The following CCT6A variants were observed in gnomAD, a reference collection of about 807,000 sequenced individuals.
CCT6A encodes the protein T-complex protein 1 subunit zeta.
In CCT6A, 6 loss-of-function variants were observed where a neutral mutation model predicts 58.6. The observed-to-expected ratio is 0.10, with a 90% CI of 0.06 to 0.20. The LOEUF is 0.20. Ranked by LOEUF, CCT6A falls within the 10% of genes least tolerant of loss-of-function variation. The probability of loss-of-function intolerance (pLI) is 1.00; values close to 1 mark genes in which losing one functional copy is unlikely to be tolerated. For missense variants in CCT6A, 516 were observed against 648.8 expected, an observed-to-expected ratio of 0.80 and a Z score of 2.22; for synonymous variants, 245 against 227.8, an observed-to-expected ratio of 1.08 and a Z score of -0.68.
chr7:56,052,930 A>AT (rs1293626577), intron 2 of CCT6A, among the ~76,000 whole-genome samples: 1 of 151,930 alleles, frequency 6.6e-6, no homozygotes, highest in Non-Finnish European at 1.5e-5. Context: ...AGTAGCTAGG[A>AT]TTACAGGCTC....
At chr7:56,054,776 A>G (rs1794269127) in intron 3 of CCT6A, among the ~76,000 whole-genome samples, 1 of 152,150 alleles carries the variant, frequency 6.6e-6, no homozygotes, top group African/African-American at 2.4e-5. Flanking sequence ...TAAAAATGGA[A>G]TGTTTAGGAC....
intron 11 of CCT6A, 56 bp from the exon 12 acceptor site, chr7:56,061,691 T>TACTATCAGTTATTAGTTCC: frequency 1.9e-6 from 1 of 536,352 alleles, no homozygotes; most frequent in Non-Finnish European, 3.2e-6. Context: ...TTTTTTTTTT[T>TACTATCAGTTATTAGTTCC]TTTACTATCA....
chr7:56,061,591 C>T, intron 11 of CCT6A, 156 bp from the exon 12 acceptor site: 1 of 447,444 alleles, frequency 2.2e-6, no homozygotes, highest in Non-Finnish European at 4.0e-6. Flanking sequence ...AGGTGATCCA[C>T]CTTCCACGGC....
chr7:56,054,877 A>C (rs566793295), intron 3 of CCT6A, among the ~76,000 whole-genome samples: 1 of 152,242 alleles, frequency 6.6e-6, no homozygotes, highest in African/African-American at 2.4e-5. Context: ...GGTTAAAGCA[A>C]ACCTCAGTGA....
chr7:56,055,882 T>C (rs777507169), intron 4 of CCT6A, 85 bp downstream of exon 4: 8 of 1,004,816 alleles, frequency 8.0e-6, no homozygotes, highest in African/African-American at 1.6e-5. Flanking sequence ...TGATTACCAA[T>C]TTCAATTACA....
chr7:56,062,794 C>T, intron 13 of CCT6A, 39 bp downstream of exon 13: 1 of 1,516,840 alleles, frequency 6.6e-7, no homozygotes, highest in Non-Finnish European at 9.1e-7. Flanking sequence ...GTTAGAGAAT[C>T]ATACTTTTTT....
At chr7:56,054,775 A>G (rs1241610685) in intron 3 of CCT6A, among the ~76,000 whole-genome samples, 1 of 152,120 alleles carries the variant, frequency 6.6e-6, no homozygotes, top group Admixed American at 6.6e-5. Context: ...CTAAAAATGG[A>G]ATGTTTAGGA....
chr7:56,061,067 GA>G, intron 11 of CCT6A, 127 bp downstream of exon 11: 1 of 987,894 alleles, frequency 1.0e-6, no homozygotes, highest in Non-Finnish European at 1.5e-6. Flanking sequence ...TCTGACTCTA[GA>G]ACAGGTATTC....
rs1562850414 is a variant in CCT6A at position 56,058,112 on chromosome 7, A to T, written c.725+9A>T. The T allele has an allele frequency of 2.1e-6, 3 of 1,444,168 alleles. No individual in the cohort carries two copies. The highest frequency in any genetic ancestry group is 2.9e-6 in the Non-Finnish European group (3 of 1,025,966). 89.5% of individuals were successfully genotyped at this position (1,444,168 alleles called of 1,614,324 possible). On this transcript the variant is annotated intron_variant, in intron 6 of 13. Transcript: ENST00000275603. Reference sequence around the variant, plus strand: ...TTAGAGTATGAGAAAACGTAAGTTTATAGCCCCTTAACAGTGAAATGGAGA... The same window carrying T: ...TTAGAGTATGAGAAAACGTAAGTTTTTAGCCCCTTAACAGTGAAATGGAGA...
intron 7 of CCT6A, 34 bp from the exon 8 acceptor site, chr7:56,058,586 A>G (rs1199233285): frequency 1.3e-6 from 2 of 1,583,032 alleles, no homozygotes; most frequent in Non-Finnish European, 1.7e-6. Flanking sequence ...TTTAAGGTGA[A>G]AGATGTTGAA....
At chr7:56,059,386 T>G (rs1392014252) in intron 8 of CCT6A, among the ~76,000 whole-genome samples, 158 bp from the exon 9 acceptor site, 1 of 152,214 alleles carries the variant, frequency 6.6e-6, no homozygotes, top group Non-Finnish European at 1.5e-5. Context: ...AAAAGACTAG[T>G]TTTTAGCTGG....
Position 56,052,403 on chromosome 7 carries a change from A to G in CCT6A, c.138-19A>G. The G allele has an allele frequency of 6.2e-7, 1 of 1,611,566 alleles. No homozygotes were observed. Among genetic ancestry groups the G allele is most frequent in the Non-Finnish European group, 8.5e-7 (1 of 1,177,702 alleles). On this transcript the variant is annotated intron_variant, in intron 1 of 13. Transcript: ENST00000275603. ...CGTTGAAAAAGTCATAGTCTGGTTC[A>G]TTTCTGTCCTTTAAACAGGCTCGTT...
chr7:56,060,593 G>T (rs754875632), intron 10 of CCT6A, 177 bp downstream of exon 10: 14 of 935,912 alleles, frequency 1.5e-5, no homozygotes, highest in Non-Finnish European at 2.4e-5. Context: ...TATTAAAGGT[G>T]AATACAAATA....
intron 5 of CCT6A, among the ~76,000 whole-genome samples, chr7:56,056,668 G>C (rs1430682814): frequency 6.6e-6 from 1 of 151,678 alleles, no homozygotes; most frequent in African/African-American, 2.4e-5. Context: ...GTTGCAGTGA[G>C]CTGAGACCAC....
At position 56,062,719 on chromosome 7, in the gene CCT6A, A is replaced by G; in HGVS notation, c.1487A>G (p.Asp496Gly). Residue 496 changes from aspartate to glycine, a missense_variant, in exon 13 of 14, where the codon GAT becomes GGT. By Grantham distance (94) the Asp-to-Gly change is moderately conservative (BLOSUM62 -1). This residue lies in a region of CCT6A where 315 missense variants were observed against 389.4 expected (regional missense o/e 0.81). Coordinates refer to ENST00000275603, the MANE Select transcript of CCT6A (RefSeq NM_001762.4). ...PMVAAEVGVW[D>G]NYCVKKQLLH... ...GTGGCAGCAGAAGTAGGCGTATGGG[A>G]TAACTATTGTGTAAAGAAACAGCTT... The G allele has an allele frequency of 1.2e-6, 2 of 1,613,612 alleles. No homozygotes were observed. The highest frequency in any genetic ancestry group is 1.7e-6 in the Non-Finnish European group (2 of 1,179,854).
intron 2 of CCT6A, among the ~76,000 whole-genome samples, chr7:56,053,885 A>G (rs1332457932): frequency 1.3e-5 from 2 of 152,242 alleles, no homozygotes; most frequent in African/African-American, 4.8e-5. Context: ...CACTGTAGCT[A>G]ATAAATTGTT....
At chr7:56,052,109 C>T in intron 1 of CCT6A, 124 bp downstream of exon 1, 2 of 851,738 alleles carry the variant, frequency 2.3e-6, no homozygotes, top group East Asian at 3.5e-5. Context: ...TCGGCGTCCT[C>T]CGGGGTCGGT....
chr7:56,057,335 AG>A (rs1431417936), intron 5 of CCT6A, among the ~76,000 whole-genome samples: 1 of 150,502 alleles, frequency 6.6e-6, no homozygotes, highest in Non-Finnish European at 1.5e-5. Flanking sequence ...AGAGTTAGTT[AG>A]AAAACATGTT....
chr7:56,060,794 C>T lies in CCT6A; in HGVS notation c.1214-13C>T. 1 of 1,594,456 alleles carries T rather than the reference C, an allele frequency of 6.3e-7. No homozygotes were observed. Among genetic ancestry groups the T allele is most frequent in the Non-Finnish European group, 8.5e-7 (1 of 1,174,990 alleles). Reference sequence around the variant, plus strand: ...AGTTTTCTTAGCATTTTTCCTTTTCCCCCATCCAACAGGCTGTGTGGTTCC... The same window carrying T: ...AGTTTTCTTAGCATTTTTCCTTTTCTCCCATCCAACAGGCTGTGTGGTTCC... On this transcript the variant is annotated splice_polypyrimidine_tract_variant and intron_variant, in intron 10 of 13. Coordinates refer to ENST00000275603, the MANE Select transcript of CCT6A (RefSeq NM_001762.4).
Sources: allele counts gnomAD v4.1 joint callset (sites outside exome capture counted in the v4.1 genomes callset), GRCh38; gene constraint gnomAD v4.1.1; regional missense constraint gnomAD v4.1.1; transcripts MANE v1.5; gene names NCBI Gene and HGNC (gene_info 2026-07-23, HGNC 2026-07-21).